BNC2: variants seen among roughly 807,000 people sequenced by gnomAD.
BNC2 encodes the protein basonuclin zinc finger protein 2.
Under a neutral mutation model 76.3 loss-of-function variants are expected in BNC2, and 20 were observed. The ratio of observed to expected loss-of-function variants is 0.26; its 90% CI spans 0.18 to 0.38. The LOEUF is 0.38. Among genes scored for constraint, BNC2 ranks in the 10% least tolerant of loss-of-function variants. The pLI is 1.00. For synonymous variants in BNC2, 582 were observed against 514.8 expected (o/e 1.13, Z -1.77); for missense variants, 1,382 against 1,399.8 (o/e 0.99, Z 0.20).
chr9:16,867,459 T>C (rs1586947991), intron 1 of BNC2: 1 of 152,176 alleles, frequency 6.6e-6, no homozygotes, highest in African/African-American at 2.4e-5. Flanking sequence ...AAAAGCCACA[T>C]TGTCAACTGG....
chr9:16,772,323 T>A (rs902405910), intron 1 of BNC2, among the ~76,000 whole-genome samples: 1 of 152,174 alleles, frequency 6.6e-6, no homozygotes, highest in Non-Finnish European at 1.5e-5. Context: ...AATTATTAGA[T>A]CTGTGTCATG....
At chr9:16,471,534 C>T (rs564072636) in intron 5 of BNC2, among the ~76,000 whole-genome samples, 229 of 152,218 alleles carry the variant, frequency 1.5e-3, no homozygotes, top group African/African-American at 4.9e-3. Context: ...CCTCGTGATC[C>T]GCCCGCCTTG....
chr9:16,456,737 G>T (rs902073152), intron 5 of BNC2, among the ~76,000 whole-genome samples: 2 of 152,074 alleles, frequency 1.3e-5, no homozygotes, highest in African/African-American at 4.8e-5. Flanking sequence ...AGATAGACAT[G>T]AAAAACTCTA....
At chr9:16,520,359 C>CA (rs1817579824) in intron 5 of BNC2, among the ~76,000 whole-genome samples, 1 of 152,012 alleles carries the variant, frequency 6.6e-6, no homozygotes, top group Admixed American at 6.6e-5. Context: ...AAACCTTGAA[C>CA]AAGAAAGAAG....
At chr9:16,445,637 C>T (rs1821216747) in intron 5 of BNC2, among the ~76,000 whole-genome samples, 1 of 152,182 alleles carries the variant, frequency 6.6e-6, no homozygotes. Context: ...TCCCTACTCT[C>T]CTCTCTAGGA....
chr9:16,740,311 G>A (rs1028903620), intron 1 of BNC2, among the ~76,000 whole-genome samples: 1 of 152,168 alleles, frequency 6.6e-6, no homozygotes, highest in Non-Finnish European at 1.5e-5. Context: ...GCTTAAGGAT[G>A]GAAAATGGGG....
chr9:16,804,306 T>G lies in BNC2; in HGVS notation c.4-65821A>C, dbSNP rs115004218. On this transcript the variant is annotated intron_variant, in intron 1 of 6. Transcript: ENST00000380672. ...ATGCAAATACACAATCCCCAGAACG[T>G]TTTGATGTAAGTACTATCATTGTCT... Among the ~76,000 whole-genome samples, 838 of 152,302 alleles carry G rather than the reference T, an allele frequency of 5.5e-3. 16 individuals are homozygous for G. Among genetic ancestry groups the G allele is most frequent in the African/African-American group, 0.019 (803 of 41,576 alleles).
intron 1 of BNC2, among the ~76,000 whole-genome samples, chr9:16,765,340 C>CG (rs1825661671): frequency 6.6e-6 from 1 of 152,076 alleles, no homozygotes; most frequent in Non-Finnish European, 1.5e-5. Flanking sequence ...AAAATATACA[C>CG]ATAAGATTTA....
At chr9:16,564,000 A>G (rs1309216865) in intron 4 of BNC2, among the ~76,000 whole-genome samples, 1 of 150,410 alleles carries the variant, frequency 6.6e-6, no homozygotes, top group African/African-American at 2.5e-5. Context: ...TTTTCATTGT[A>G]GGCATGCATG....
rs754309176 is a variant in BNC2, at chr9:16,436,920, C to T, written c.1274G>A (p.Arg425Gln). ...CCCCATCCTTCTCATCCGATGAATC[C>T]GGAATGAGCTTTTTGGGTGTTCAGT... is the stretch of plus-strand genomic sequence containing the variant. ...TKTEHPKSSF[R>Q]IHRMRRMGSA... Residue 425 changes from arginine to glutamine, a missense_variant, in exon 6 of 7, where the codon CGG (arginine) becomes CAG (glutamine). Arg to Gln is a conservative substitution (Grantham distance 43). This residue lies in a region of BNC2 where 557 missense variants were observed against 540.9 expected (regional missense o/e 1.03). Transcript: ENST00000380672. The T allele has an allele frequency of 1.1e-5, 18 of 1,613,948 alleles. No individual in the cohort carries two copies. The highest frequency in any genetic ancestry group is 4.4e-5 in the South Asian group (4 of 91,068).
intron 5 of BNC2, among the ~76,000 whole-genome samples, chr9:16,544,037 C>A (rs555329930): frequency 6.6e-6 from 1 of 152,116 alleles, no homozygotes; most frequent in African/African-American, 2.4e-5. Flanking sequence ...CATAATGCAG[C>A]GACACCTTCC....
chr9:16,814,777 G>C (rs1205943051), intron 1 of BNC2, among the ~76,000 whole-genome samples: 2 of 152,078 alleles, frequency 1.3e-5, no homozygotes, highest in Admixed American at 6.6e-5. Flanking sequence ...ATATCTAGGG[G>C]GGCTCCTATA....
chr9:16,739,325 T>C (rs1027280768), intron 1 of BNC2, among the ~76,000 whole-genome samples: 1 of 152,208 alleles, frequency 6.6e-6, no homozygotes, highest in Non-Finnish European at 1.5e-5. Flanking sequence ...GGCAACAGTA[T>C]GACAGATGGA....
At chr9:16,821,247 GA>G (rs557542726) in intron 1 of BNC2, among the ~76,000 whole-genome samples, 9 of 143,096 alleles carry the variant, frequency 6.3e-5, no homozygotes, top group Non-Finnish European at 1.2e-4. Context: ...AAAAAAAAAA[GA>G]AAAAAAAAGG....
At chr9:16,516,347 T>G (rs1319487525) in intron 5 of BNC2, among the ~76,000 whole-genome samples, 1 of 151,604 alleles carries the variant, frequency 6.6e-6, no homozygotes, top group Non-Finnish European at 1.5e-5. Context: ...ATGCTAAGAT[T>G]CCCCAATGAT....
intron 3 of BNC2, among the ~76,000 whole-genome samples, chr9:16,622,808 G>C (rs957618147): frequency 6.6e-6 from 1 of 151,970 alleles, no homozygotes. Context: ...AATTACAAAG[G>C]GCTAAGGGAA....
chr9:16,632,097 C>T (rs1400667699), intron 3 of BNC2, among the ~76,000 whole-genome samples: 1 of 152,072 alleles, frequency 6.6e-6, no homozygotes, highest in African/African-American at 2.4e-5. Flanking sequence ...TCTAAGTTTC[C>T]CTTCACCTAA....
At chr9:16,479,155 G>C (rs962776490) in intron 5 of BNC2, among the ~76,000 whole-genome samples, 1 of 151,966 alleles carries the variant, frequency 6.6e-6, no homozygotes, top group African/African-American at 2.4e-5. Flanking sequence ...GGGAGTCTGA[G>C]GCAGGAGAAC....
At position 16,492,496 on chromosome 9, in the gene BNC2, G is replaced by A. The variant is rs1437385807; in HGVS notation, c.670-54972C>T. On this transcript the variant is annotated intron_variant, in intron 5 of 6. Transcript: ENST00000380672. ...TTAACTGGCTGTTGGTCCTGGTTGT[G>A]AAAACAGGAGGAATTTTCTACTGCA... Among the ~76,000 whole-genome samples the A allele has an allele frequency of 3.9e-5, 6 of 152,260 alleles. No homozygotes were observed. In the East Asian group the frequency reaches 9.7e-4, roughly 25 times the overall value.
Sources: gnomAD v4.1 joint callset for allele counts (sites outside exome capture counted in the v4.1 genomes callset) on GRCh38, gnomAD v4.1.1 for gene constraint, gnomAD v4.1.1 regional missense constraint, MANE v1.5 for transcripts, NCBI Gene and HGNC (gene_info 2026-07-23, HGNC 2026-07-21) for gene names.